Variants in ITIH5 observed in about 807,000 individuals in gnomAD.
ITIH5 encodes inter-alpha-trypsin inhibitor heavy chain H5.
A neutral mutation model predicts 77.5 loss-of-function variants in ITIH5; 65 were observed. The ratio of observed to expected loss-of-function variants is 0.84; its 90% CI spans 0.69 to 1.03. The LOEUF is 1.03. ITIH5 is among the 50% of genes least tolerant of loss of function. ITIH5 has a pLI of 0.00. For synonymous variants in ITIH5, 525 were observed against 494.3 expected, an observed-to-expected ratio of 1.06 and a Z score of -0.82; for missense variants, 1,208 against 1,213.1, an observed-to-expected ratio of 1.00 and a Z score of 0.06.
intron 13 of ITIH5, 84 bp downstream of exon 13, chr10:7,565,946 C>T (rs1400182158): frequency 5.9e-6 from 9 of 1,514,112 alleles, no homozygotes; most frequent in South Asian, 2.6e-5. Context: ...CTCAATCAAA[C>T]GAAAGGTGTT....
chr10:7,648,515 C>A (rs924282025), intron 2 of ITIH5, among the ~76,000 whole-genome samples: 61 of 152,178 alleles, frequency 4.0e-4, no homozygotes, highest in African/African-American at 1.4e-3. Flanking sequence ...TCATGTAATT[C>A]TTTTACATAA....
intron 9 of ITIH5, chr10:7,578,289 C>T (rs1468933419): frequency 2.4e-5 from 4 of 167,512 alleles, no homozygotes; most frequent in Non-Finnish European, 4.4e-5. Context: ...TACCCTAATA[C>T]ACCTACCTCC....
Position 7,637,388 on chromosome 10 carries a change from C to A in ITIH5, c.492G>T (p.Gln164His). 1.2e-6 allele frequency: 2 copies of A among 1,614,250 alleles called. No individual in the cohort carries two copies. Among genetic ancestry groups the A allele is most frequent in the Non-Finnish European group, 1.7e-6 (2 of 1,180,044 alleles). ...AFFLSYEELLQRRLGKYEHSI... is the reference protein window; with the variant it reads ...AFFLSYEELLHRRLGKYEHSI... ...TGTGCTCGTACTTGCCCAGGCGCCT[C>A]TGCAGAAGCTCCTCATAACTCAGGA... Residue 164 changes from glutamine (Q) to histidine (H), a missense_variant, in exon 5 of 14, where the codon CAG becomes CAT. Physicochemically the swap from Gln to His is conservative, Grantham distance 24 (BLOSUM62 0). Transcript: ENST00000397146.
intron 5 of ITIH5, among the ~76,000 whole-genome samples, chr10:7,628,657 G>A (rs542730408): frequency 0.015 from 1,819 of 118,678 alleles, 61 homozygotes; most frequent in African/African-American, 0.053. Flanking sequence ...CATGTTGTCT[G>A]GGTTGTCACA....
rs78358385 is a variant in ITIH5 at position 7,661,566 on chromosome 10, T to C, written c.90+5237A>G. On this transcript the variant is annotated intron_variant, in intron 1 of 13. Transcript: ENST00000397146. ...TTCTATATCACTCACCCCAAATTTT[T>C]CTTCCTTGAAAGTAATGTTGCTGCA... is the stretch of plus-strand genomic sequence containing the variant. Among the ~76,000 whole-genome samples, 310 of 152,354 alleles carry C rather than the reference T, an allele frequency of 2.0e-3. 1 individual carries two copies. Among genetic ancestry groups the C allele is most frequent in the African/African-American group, 7.2e-3 (299 of 41,582 alleles).
At chr10:7,566,902 GAA>G in intron 12 of ITIH5, among the ~76,000 whole-genome samples, 1 of 112,464 alleles carries the variant, frequency 8.9e-6, no homozygotes, top group Non-Finnish European at 1.8e-5. Context: ...AGAAGAAGAA[GAA>G]GAAGAAGAAG....
intron 5 of ITIH5, chr10:7,621,622 T>C (rs1363863706): frequency 6.6e-6 from 1 of 151,412 alleles, no homozygotes; most frequent in Non-Finnish European, 1.5e-5. Flanking sequence ...TTTTCACTAC[T>C]TTTTTTTTAA....
chr10:7,565,859 T>C (rs551478145), intron 13 of ITIH5, among the ~76,000 whole-genome samples, 171 bp downstream of exon 13: 1 of 150,944 alleles, frequency 6.6e-6, no homozygotes, highest in African/African-American at 2.4e-5. Flanking sequence ...GTATAGACTA[T>C]ATATATGTAC....
At chr10:7,588,970 C>G (rs927947875) in intron 7 of ITIH5, among the ~76,000 whole-genome samples, 2 of 152,216 alleles carry the variant, frequency 1.3e-5, no homozygotes, top group African/African-American at 4.8e-5. Flanking sequence ...GCACGTGCAC[C>G]AACGGCAGCA....
chr10:7,563,564 T>C (rs1832082218), intron 13 of ITIH5, among the ~76,000 whole-genome samples, 180 bp from the exon 14 acceptor site: 1 of 152,212 alleles, frequency 6.6e-6, no homozygotes, highest in Admixed American at 6.5e-5. Context: ...GCTGAGGATT[T>C]ATCCACATTG....
chr10:7,566,730 A>C (rs1318870020), intron 12 of ITIH5, among the ~76,000 whole-genome samples: 3 of 34,882 alleles, frequency 8.6e-5, no homozygotes, highest in Non-Finnish European at 1.7e-4. Context: ...TCATTAAAAA[A>C]AAAAAAAAAA....
chr10:7,636,819 C>T (rs1833805067), intron 5 of ITIH5, among the ~76,000 whole-genome samples: 1 of 151,924 alleles, frequency 6.6e-6, no homozygotes, highest in African/African-American at 2.4e-5. Flanking sequence ...TTTGGGAGGC[C>T]GAGGCGGGTG....
intron 1 of ITIH5, among the ~76,000 whole-genome samples, chr10:7,665,933 G>T (rs1215498310): frequency 6.6e-6 from 1 of 152,236 alleles, no homozygotes; most frequent in African/African-American, 2.4e-5. Context: ...TATTTAGGCA[G>T]TTGGGCTTCA....
intron 5 of ITIH5, chr10:7,620,191 C>CA (rs201289245): frequency 0.14 from 19,964 of 141,934 alleles, 1,480 homozygotes; most frequent in East Asian, 0.25. Flanking sequence ...CCTACCCCCG[C>CA]AAAAAAAAAA....
chr10:7,559,826 C>T lies in ITIH5; in HGVS notation c.*3257G>A. 1 of 455,076 alleles carries T rather than the reference C, an allele frequency of 2.2e-6. No individual in the cohort carries two copies. The highest frequency in any genetic ancestry group is 4.4e-6 in the Non-Finnish European group (1 of 226,578). 28.2% of individuals were successfully genotyped at this position (455,076 alleles called of 1,614,324 possible). On this transcript the variant is annotated 3_prime_UTR_variant, in exon 14 of 14. Transcript: ENST00000397146. Reference sequence around the variant, plus strand: ...ATCCCCAGGTGGTGGAGAGGAAAAACACCATCTCTCCCATGTCTTTTTTTT... The same window carrying T: ...ATCCCCAGGTGGTGGAGAGGAAAAATACCATCTCTCCCATGTCTTTTTTTT...
chr10:7,651,117 T>G (rs1043536880), intron 2 of ITIH5, among the ~76,000 whole-genome samples: 1 of 152,164 alleles, frequency 6.6e-6, no homozygotes, highest in Non-Finnish European at 1.5e-5. Context: ...GACTGTATTT[T>G]CTTGTTTTCT....
At chr10:7,588,981 G>A (rs369110972) in intron 7 of ITIH5, among the ~76,000 whole-genome samples, 2 of 152,260 alleles carry the variant, frequency 1.3e-5, no homozygotes, top group African/African-American at 4.8e-5. Flanking sequence ...AACGGCAGCA[G>A]AATCTGCAGC....
intron 5 of ITIH5, chr10:7,619,680 C>A (rs1236627442): frequency 1.2e-5 from 3 of 251,010 alleles, no homozygotes; most frequent in Admixed American, 4.1e-5. Flanking sequence ...AGAGACAGAA[C>A]TGGGAAGCGC....
chr10:7,627,990 T>C (rs112296879), intron 5 of ITIH5, among the ~76,000 whole-genome samples: 28,661 of 151,624 alleles, frequency 0.19, 3,126 homozygotes, highest in Non-Finnish European at 0.25. Flanking sequence ...TACAGGCGCC[T>C]GCCACCAAGC....
Sources: gnomAD v4.1 joint callset for allele counts (sites outside exome capture counted in the v4.1 genomes callset) on GRCh38, gnomAD v4.1.1 for gene constraint, MANE v1.5 for transcripts, NCBI Gene and HGNC (gene_info 2026-07-23, HGNC 2026-07-21) for gene names.